Variants in MAGI2 observed in about 807,000 individuals in gnomAD.
The protein encoded by MAGI2 is membrane-associated guanylate kinase, WW and PDZ domain-containing protein 2.
A neutral mutation model predicts 133.3 loss-of-function variants in MAGI2; 35 were observed. That is an observed-to-expected ratio of 0.26 (90% confidence interval 0.20 to 0.35). The LOEUF is 0.35. MAGI2 is among the 10% of genes least tolerant of loss of function. The pLI is 1.00. For synonymous variants in MAGI2, 729 were observed against 710.6 expected, an observed-to-expected ratio of 1.03 and a Z score of -0.41; for missense variants, 1,636 against 1,863.4, an observed-to-expected ratio of 0.88 and a Z score of 2.25.
intron 3 of MAGI2, among the ~76,000 whole-genome samples, chr7:78,542,163 A>T (rs76768539): frequency 6.6e-6 from 1 of 152,220 alleles, no homozygotes; most frequent in African/African-American, 2.4e-5. Context: ...TTCATTTAAA[A>T]AATACTCTTT....
intron 4 of MAGI2, chr7:78,519,236 T>C (rs991615622): frequency 5.3e-5 from 8 of 151,462 alleles, no homozygotes; most frequent in Admixed American, 5.3e-4. Context: ...ACTCAATAAA[T>C]GTAAAGAGAA....
chr7:78,750,194 T>TG (rs2151275796), intron 2 of MAGI2, among the ~76,000 whole-genome samples: 1 of 152,310 alleles, frequency 6.6e-6, no homozygotes, highest in Non-Finnish European at 1.5e-5. Flanking sequence ...ATATATGTCC[T>TG]GGCAGAAGAT....
At chr7:79,155,514 A>T (rs1823685811) in intron 1 of MAGI2, among the ~76,000 whole-genome samples, 1 of 152,144 alleles carries the variant, frequency 6.6e-6, no homozygotes, top group South Asian at 2.1e-4. Flanking sequence ...ATGGTTCCAT[A>T]AGCCCAGGTA....
chr7:79,041,482 A>G (rs1239463361), intron 1 of MAGI2, among the ~76,000 whole-genome samples: 1 of 152,158 alleles, frequency 6.6e-6, no homozygotes, highest in African/African-American at 2.4e-5. Flanking sequence ...ACATAATATG[A>G]TGATAGTAAA....
intron 2 of MAGI2, among the ~76,000 whole-genome samples, chr7:78,844,402 T>G (rs992446906): frequency 6.6e-6 from 1 of 151,800 alleles, no homozygotes; most frequent in Non-Finnish European, 1.5e-5. Context: ...TAGAAACAAC[T>G]CAAATGACTA....
intron 1 of MAGI2, among the ~76,000 whole-genome samples, chr7:79,431,298 T>G (rs377375190): frequency 5.9e-5 from 9 of 152,292 alleles, no homozygotes; most frequent in African/African-American, 2.2e-4. Context: ...ATAGCAGATT[T>G]ATATCAACCA....
chr7:79,047,237 A>G (rs146822247), intron 1 of MAGI2, among the ~76,000 whole-genome samples: 6 of 152,262 alleles, frequency 3.9e-5, no homozygotes, highest in African/African-American at 1.4e-4. Context: ...CATCAATCAA[A>G]CCATTAAAAC....
intron 2 of MAGI2, among the ~76,000 whole-genome samples, chr7:78,937,859 G>A (rs1800636975): frequency 6.6e-6 from 1 of 152,092 alleles, no homozygotes. Context: ...CAAGATTTTG[G>A]TGGGAATTGA....
chr7:79,079,894 T>C (rs1815890688), intron 1 of MAGI2, among the ~76,000 whole-genome samples: 1 of 152,144 alleles, frequency 6.6e-6, no homozygotes, highest in Non-Finnish European at 1.5e-5. Context: ...TATTGGTATA[T>C]TATTGGTACC....
At chr7:78,675,314 TAA>T (rs549608133) in intron 2 of MAGI2, among the ~76,000 whole-genome samples, 1 of 151,732 alleles carries the variant, frequency 6.6e-6, no homozygotes, top group East Asian at 1.9e-4. Flanking sequence ...TCCATGTAGT[TAA>T]AAAAAGAGTA....
At chr7:78,718,170 T>G in intron 2 of MAGI2, among the ~76,000 whole-genome samples, 1 of 152,202 alleles carries the variant, frequency 6.6e-6, no homozygotes, top group South Asian at 2.1e-4. Flanking sequence ...AGCCTGTATC[T>G]AAAGTGACAA....
intron 6 of MAGI2, among the ~76,000 whole-genome samples, chr7:78,372,422 A>G (rs1267212028): frequency 6.6e-6 from 1 of 152,140 alleles, no homozygotes; most frequent in Non-Finnish European, 1.5e-5. Flanking sequence ...ACATCGCACT[A>G]TTTGTCCAAT....
intron 2 of MAGI2, among the ~76,000 whole-genome samples, chr7:79,001,084 T>C (rs1388536272): frequency 1.3e-5 from 2 of 152,128 alleles, no homozygotes; most frequent in Non-Finnish European, 2.9e-5. Flanking sequence ...GCTCATCTAA[T>C]TTTTGTATTT....
At chr7:78,435,737 A>T (rs1047520484) in intron 6 of MAGI2, among the ~76,000 whole-genome samples, 1 of 152,132 alleles carries the variant, frequency 6.6e-6, no homozygotes, top group African/African-American at 2.4e-5. Flanking sequence ...CCCCGGACAC[A>T]TTAGGTACAT....
intron 1 of MAGI2, among the ~76,000 whole-genome samples, chr7:79,309,740 GA>G (rs200594382): frequency 0.011 from 1,700 of 151,702 alleles, 12 homozygotes; most frequent in Non-Finnish European, 0.019. Context: ...CTAATATCTA[GA>G]AAAAAATCCC....
chr7:78,801,784 G>T (rs1280047749), intron 2 of MAGI2, among the ~76,000 whole-genome samples: 1 of 152,082 alleles, frequency 6.6e-6, no homozygotes, highest in East Asian at 1.9e-4. Context: ...GAGATCAGCA[G>T]CTATTATGAG....
chr7:79,168,872 T>C (rs1825204206), intron 1 of MAGI2, among the ~76,000 whole-genome samples: 1 of 143,046 alleles, frequency 7.0e-6, no homozygotes, highest in African/African-American at 2.7e-5. Context: ...TCTGCCAGGT[T>C]TTTCTTTCTA....
chr7:79,013,382 G>A (rs963344140), intron 1 of MAGI2, among the ~76,000 whole-genome samples: 1 of 152,160 alleles, frequency 6.6e-6, no homozygotes, highest in Non-Finnish European at 1.5e-5. Context: ...AGCAGTCTGT[G>A]AGGAATTAGA....
At chr7:78,988,748 T>A (rs906045959) in intron 2 of MAGI2, among the ~76,000 whole-genome samples, 4 of 152,060 alleles carry the variant, frequency 2.6e-5, no homozygotes, top group East Asian at 1.9e-4. Context: ...CACCGTGTAA[T>A]CACCCCTCAG....
Sources: gnomAD v4.1 joint callset for allele counts (sites outside exome capture counted in the v4.1 genomes callset) on GRCh38, gnomAD v4.1.1 for gene constraint, MANE v1.5 for transcripts, NCBI Gene and HGNC (gene_info 2026-07-23, HGNC 2026-07-21) for gene names.